Variants in CHST11 observed in about 807,000 individuals in gnomAD.
CHST11 encodes the protein carbohydrate sulfotransferase 11.
A neutral mutation model predicts 30.4 loss-of-function variants in CHST11; 9 were observed. The ratio of observed to expected loss-of-function variants is 0.30; its 90% CI spans 0.18 to 0.52. The LOEUF (loss-of-function observed/expected upper bound fraction) is 0.52. Among genes scored for constraint, CHST11 ranks in the 20% least tolerant of loss-of-function variants. The pLI is 0.97. For synonymous variants in CHST11, 152 were observed against 187.8 expected (o/e 0.81, Z 1.56); for missense variants, 348 against 460.6 (o/e 0.76, Z 2.24).
intron 2 of CHST11, among the ~76,000 whole-genome samples, chr12:104,731,825 C>T (rs910789202): frequency 5.9e-5 from 9 of 152,260 alleles, no homozygotes; most frequent in Admixed American, 2.0e-4. Flanking sequence ...TTTGCACCAA[C>T]GCAACTGCGG....
chr12:104,616,999 A>G (rs2039114189), intron 2 of CHST11, among the ~76,000 whole-genome samples: 1 of 152,228 alleles, frequency 6.6e-6, no homozygotes, highest in Admixed American at 6.5e-5. Context: ...GGCCGTGTTT[A>G]TGCAGCTGTG....
chr12:104,616,883 G>C (rs1366204162), intron 2 of CHST11, among the ~76,000 whole-genome samples: 1 of 152,198 alleles, frequency 6.6e-6, no homozygotes, highest in African/African-American at 2.4e-5. Context: ...CAAAGGACGA[G>C]TGGTCCCAGA....
chr12:104,550,162 T>C (rs1406699355), intron 1 of CHST11, among the ~76,000 whole-genome samples: 1 of 152,226 alleles, frequency 6.6e-6, no homozygotes, highest in Non-Finnish European at 1.5e-5. Flanking sequence ...CCGTTCTTTT[T>C]AGGCTTTCCA....
intron 1 of CHST11, among the ~76,000 whole-genome samples, chr12:104,475,658 T>TTTTATATATATATATATATATA (rs770441229): frequency 4.4e-4 from 15 of 34,162 alleles, no homozygotes; most frequent in South Asian, 2.5e-3. Flanking sequence ...TAAAGCAGCA[T>TTTTATATATATATATATATATA]TATATATATA....
chr12:104,642,039 G>A (rs1420164016), intron 2 of CHST11, among the ~76,000 whole-genome samples: 1 of 152,110 alleles, frequency 6.6e-6, no homozygotes, highest in East Asian at 1.9e-4. Context: ...AACGTCCTAT[G>A]GTGCACAGGA....
rs867670218 is a variant in CHST11, at chr12:104,479,191, C to G, written c.118+21662C>G. On this transcript the variant is annotated intron_variant, in intron 1 of 2. Transcript: ENST00000303694. ...AAAGGGCCCCCCCTTTTTTTTGGCT[C>G]AGGGAACTGAGCCAAACTCAGTGTG... Among the ~76,000 whole-genome samples, 22 of 151,056 alleles carry G rather than the reference C, an allele frequency of 1.5e-4. 1 individual carries two copies. The highest frequency in any genetic ancestry group is 5.1e-4 in the African/African-American group (21 of 41,082).
At chr12:104,486,023 C>CGTGTGTGCCT (rs1175321073) in intron 1 of CHST11, among the ~76,000 whole-genome samples, 4 of 152,108 alleles carry the variant, frequency 2.6e-5, no homozygotes, top group Admixed American at 2.0e-4. Flanking sequence ...CATGTGTGCA[C>CGTGTGTGCCT]GTGTGTGCCT....
chr12:104,740,002 T>G (rs1263716507), intron 2 of CHST11, among the ~76,000 whole-genome samples: 1 of 152,358 alleles, frequency 6.6e-6, no homozygotes, highest in African/African-American at 2.4e-5. Context: ...TACTCTCCAT[T>G]TTTGTTCAGT....
intron 1 of CHST11, among the ~76,000 whole-genome samples, chr12:104,592,544 C>T (rs547004495): frequency 1.7e-4 from 26 of 152,166 alleles, no homozygotes; most frequent in Non-Finnish European, 3.4e-4. Flanking sequence ...AGTCCCCACC[C>T]TCTAAAATGA....
chr12:104,610,891 TA>T (rs1253694859), intron 2 of CHST11, among the ~76,000 whole-genome samples: 1 of 152,220 alleles, frequency 6.6e-6, no homozygotes, highest in Non-Finnish European at 1.5e-5. Context: ...AAAACAGGAA[TA>T]AAATGCTTGT....
chr12:104,572,528 A>G (rs1351275505), intron 1 of CHST11, among the ~76,000 whole-genome samples: 10 of 152,016 alleles, frequency 6.6e-5, no homozygotes, highest in African/African-American at 2.4e-4. Flanking sequence ...TTCTCTGATG[A>G]TAGTGTGTAT....
intron 2 of CHST11, among the ~76,000 whole-genome samples, chr12:104,628,528 G>A (rs1004666177): frequency 5.3e-5 from 8 of 152,178 alleles, no homozygotes; most frequent in African/African-American, 1.9e-4. Context: ...ATGTGTTTCC[G>A]TTGTCCAGGG....
At chr12:104,737,277 T>C (rs1177200887) in intron 2 of CHST11, among the ~76,000 whole-genome samples, 2 of 152,170 alleles carry the variant, frequency 1.3e-5, no homozygotes, top group Non-Finnish European at 2.9e-5. Context: ...GAGGTCATCG[T>C]GGGGGTGGCT....
intron 1 of CHST11, among the ~76,000 whole-genome samples, chr12:104,522,052 T>TAA (rs1390715906): frequency 6.6e-6 from 1 of 152,228 alleles, no homozygotes; most frequent in Non-Finnish European, 1.5e-5. Context: ...CCACTAGCAT[T>TAA]TCTTTCCCAG....
chr12:104,620,370 C>T (rs892629145), intron 2 of CHST11, among the ~76,000 whole-genome samples: 1 of 152,182 alleles, frequency 6.6e-6, no homozygotes, highest in East Asian at 1.9e-4. Flanking sequence ...AGTTCAGAAG[C>T]AGCTGACATC....
chr12:104,554,166 A>G (rs73384186), intron 1 of CHST11, among the ~76,000 whole-genome samples: 1,801 of 152,318 alleles, frequency 0.012, 33 homozygotes, highest in African/African-American at 0.041. Context: ...TCTATTATTT[A>G]GAAGCAAGTT....
At chr12:104,625,245 C>T (rs904134477) in intron 2 of CHST11, among the ~76,000 whole-genome samples, 2 of 152,182 alleles carry the variant, frequency 1.3e-5, no homozygotes, top group African/African-American at 4.8e-5. Context: ...CTTCCAGTAA[C>T]TTATGTCCTT....
intron 2 of CHST11, among the ~76,000 whole-genome samples, chr12:104,720,754 G>A (rs1336467086): frequency 2.0e-5 from 3 of 152,098 alleles, no homozygotes; most frequent in Non-Finnish European, 2.9e-5. Context: ...GAGAGGATCA[G>A]TGAGTAGAAA....
chr12:104,540,736 C>G (rs1452108416), intron 1 of CHST11, among the ~76,000 whole-genome samples: 2 of 151,424 alleles, frequency 1.3e-5, no homozygotes, highest in Non-Finnish European at 2.9e-5. Context: ...GCTCCAATCT[C>G]TCTAATTACA....
Sources: allele counts gnomAD v4.1 joint callset (sites outside exome capture counted in the v4.1 genomes callset), GRCh38; gene constraint gnomAD v4.1.1; transcripts MANE v1.5; gene names NCBI Gene and HGNC (gene_info 2026-07-23, HGNC 2026-07-21).